OTOF: variants seen among roughly 807,000 people sequenced by gnomAD.
OTOF encodes the protein fer-1-like family member 2.
In OTOF, 218 loss-of-function variants were observed where a neutral mutation model predicts 236.8. The observed-to-expected ratio is 0.92, with a 90% CI of 0.82 to 1.03. The LOEUF is 1.03. OTOF is among the 50% of genes least tolerant of loss of function. The pLI is 0.00. For synonymous variants in OTOF, 1,041 were observed against 1,072.5 expected (o/e 0.97, Z 0.57); for missense variants, 2,590 against 2,694.4 (o/e 0.96, Z 0.86).
intron 11 of OTOF, among the ~76,000 whole-genome samples, chr2:26,485,345 G>A (rs1462764469): frequency 6.6e-6 from 1 of 152,124 alleles, no homozygotes; most frequent in East Asian, 1.9e-4. Context: ...CGGAAGAGTT[G>A]ATCCTGGGCT....
At chr2:26,472,154 T>A (rs771125782) in intron 30 of OTOF, among the ~76,000 whole-genome samples, 1 of 148,606 alleles carries the variant, frequency 6.7e-6, no homozygotes, top group South Asian at 2.1e-4. Context: ...ATACCCCACA[T>A]ACATGCACAC....
rs1374838074 is a variant in OTOF at position 26,516,471 on chromosome 2, C to T, written c.456G>A (p.Leu152=). Residue 152 remains leucine, a synonymous_variant, in exon 5 of 47, where the codon CTG becomes CTA. Coordinates refer to ENST00000272371, the MANE Select transcript of OTOF (RefSeq NM_194248.3). The part of the protein sequence containing the change: ...EEKDSQETDG[L]LPGSRPSSRP... ...GGGAGCTGGGCCGGGAGCCTGGGAG[C>T]AGTCCATCCGTCTCTTGGCTGTCCT... is the stretch of plus-strand genomic sequence containing the variant. 2 of 1,613,902 alleles carry T rather than the reference C, an allele frequency of 1.2e-6. No individual in the cohort carries two copies. Among genetic ancestry groups the T allele is most frequent in the South Asian group, 2.2e-5 (2 of 91,084 alleles).
intron 8 of OTOF, among the ~76,000 whole-genome samples, chr2:26,495,502 G>A (rs567403491): frequency 6.6e-6 from 1 of 152,080 alleles, no homozygotes; most frequent in South Asian, 2.1e-4. Flanking sequence ...TCGGCTCACT[G>A]CAACCCTCTG....
rs2272072 is a variant in OTOF, at chr2:26,471,099, C to T, written c.3894+22G>A. ...TAAAGGACCCTCTCACCCCAGAGCC[C>T]CTGCATGGCCCCCACACTCACCACA... On this transcript the variant is annotated intron_variant, in intron 31 of 46. Transcript: ENST00000272371. The T allele has an allele frequency of 0.1, 164,630 of 1,613,506 alleles. 17,565 individuals carry two copies. Among genetic ancestry groups the T allele is most frequent in the East Asian group, 0.62 (27,976 of 44,830 alleles).
rs140874810 is a variant in OTOF, at chr2:26,476,207, C to G, written c.2787G>C (p.Leu929=). ...SKQRKEFLCG[L]PCGFQEVKAA... is the part of the protein sequence containing the mutation. The stretch of plus-strand genomic sequence containing the variant: ...CCTTGACCTCCTGGAAGCCACAGGG[C>G]AGGCCGCACAGGAACTCCTTGCGCT... Residue 929 remains leucine (L), a synonymous_variant, in exon 23 of 47, where the codon CTG becomes CTC. Transcript: ENST00000272371. 2 of 1,610,036 alleles carry G rather than the reference C, an allele frequency of 1.2e-6. No homozygotes were observed. Among genetic ancestry groups the G allele is most frequent in the South Asian group, 1.1e-5 (1 of 91,078 alleles).
intron 26 of OTOF, 44 bp from the exon 27 acceptor site, chr2:26,474,154 A>C: frequency 1.9e-6 from 3 of 1,611,456 alleles, no homozygotes; most frequent in Non-Finnish European, 2.5e-6. Flanking sequence ...GAGCCCAGGG[A>C]CAGGGTCTCT....
chr2:26,540,512 C>T (rs888298363), intron 1 of OTOF, among the ~76,000 whole-genome samples: 1 of 152,222 alleles, frequency 6.6e-6, no homozygotes, highest in Non-Finnish European at 1.5e-5. Context: ...AAAGCAGGCT[C>T]GTTCCCTCCG....
chr2:26,516,052 G>C (rs972531825), intron 5 of OTOF, among the ~76,000 whole-genome samples: 5 of 152,180 alleles, frequency 3.3e-5, no homozygotes, highest in African/African-American at 7.2e-5. Flanking sequence ...GGCACCTGGT[G>C]GACACTGCTG....
Position 26,558,558 on chromosome 2 carries a change from A to G in OTOF, c.14T>C (p.Ile5Thr). ...CAGCTCCGAGACTGTCTTGAGGTGGATGAGCAAGGCCATGCTGGTGTGGGC... is the reference window on the plus strand; with the variant it reads ...CAGCTCCGAGACTGTCTTGAGGTGGGTGAGCAAGGCCATGCTGGTGTGGGC... The part of the protein sequence containing the change: MALL[I>T]HLKTVSELRG... The change falls in exon 1 of 47, where the codon ATC becomes ACC. Residue 5 changes from isoleucine to threonine, a missense_variant. This residue lies in a region of OTOF where 1,379 missense variants were observed against 1,341.6 expected (regional missense o/e 1.03). Coordinates refer to ENST00000272371, the MANE Select transcript of OTOF (RefSeq NM_194248.3). 1 of 1,613,786 alleles carries G rather than the reference A, an allele frequency of 6.2e-7. No homozygotes were observed. Among genetic ancestry groups the G allele is most frequent in the Non-Finnish European group, 8.5e-7 (1 of 1,179,874 alleles).
At position 26,476,936 on chromosome 2, in the gene OTOF, C is replaced by A; in HGVS notation, c.2631G>T (p.Glu877Asp). The A allele has an allele frequency of 6.2e-7, 1 of 1,611,382 alleles. No individual in the cohort carries two copies. ...SKDLLFSIVE[E>D]ETGKDCAKVK... is the part of the protein sequence containing the mutation. Reference sequence around the variant, plus strand: ...CCTTGGCGCAGTCCTTGCCAGTCTCCTCCTCCACGATGGAGAAGAGCAGGT... The same window carrying A: ...CCTTGGCGCAGTCCTTGCCAGTCTCATCCTCCACGATGGAGAAGAGCAGGT... Residue 877 changes from glutamate to aspartate, a missense_variant, in exon 22 of 47, where the codon GAG (glutamate) becomes GAT (aspartate). This residue lies in a region of OTOF where 1,379 missense variants were observed against 1,341.6 expected (regional missense o/e 1.03). Coordinates refer to ENST00000272371, the MANE Select transcript of OTOF (RefSeq NM_194248.3).
intron 9 of OTOF, among the ~76,000 whole-genome samples, chr2:26,493,921 T>C (rs112789322): frequency 0.013 from 1,972 of 152,330 alleles, 33 homozygotes; most frequent in African/African-American, 0.041. Flanking sequence ...CACTCCATCT[T>C]GCAAGACCGT....
chr2:26,510,502 C>T (rs541751057), intron 5 of OTOF, among the ~76,000 whole-genome samples: 3 of 152,082 alleles, frequency 2.0e-5, no homozygotes, highest in East Asian at 3.9e-4. Context: ...ACCTCCCCCG[C>T]GACCCTAACC....
Position 26,476,213 on chromosome 2 carries a change from G to T in OTOF, c.2781C>A (p.Cys927Ter). The change falls in exon 23 of 47, where the codon TGC (cysteine) becomes TGA (stop). Residue 927 changes from cysteine to a stop codon, truncating the protein, a stop_gained. Coordinates refer to ENST00000272371, the MANE Select transcript of OTOF (RefSeq NM_194248.3). LOFTEE classifies it high-confidence loss of function. ...GLSKQRKEFLCGLPCGFQEVK... is the reference protein window; with the variant it reads ...GLSKQRKEFL ...CCTCCTGGAAGCCACAGGGCAGGCC[G>T]CACAGGAACTCCTTGCGCTGTTTGC... 1 of 1,609,758 alleles carries T rather than the reference G, an allele frequency of 6.2e-7. No individual in the cohort carries two copies.
intron 9 of OTOF, among the ~76,000 whole-genome samples, chr2:26,489,969 G>C (rs1362645947): frequency 2.6e-5 from 4 of 152,218 alleles, no homozygotes; most frequent in African/African-American, 9.7e-5. Flanking sequence ...TGGCTAGTGT[G>C]GGGTGGGAAA....
intron 9 of OTOF, among the ~76,000 whole-genome samples, chr2:26,490,877 A>C (rs1665824490): frequency 6.6e-6 from 1 of 152,208 alleles, no homozygotes; most frequent in African/African-American, 2.4e-5. Context: ...CACGGTAAGC[A>C]CATAGCAAGC....
chr2:26,493,864 G>C (rs1296676226), intron 9 of OTOF, among the ~76,000 whole-genome samples: 1 of 152,200 alleles, frequency 6.6e-6, no homozygotes, highest in African/African-American at 2.4e-5. Flanking sequence ...TGCACACTAG[G>C]AGATAAATTC....
intron 8 of OTOF, among the ~76,000 whole-genome samples, chr2:26,497,785 T>A (rs1283401960): frequency 3.3e-5 from 5 of 152,198 alleles, no homozygotes; most frequent in African/African-American, 1.2e-4. Context: ...AAGTTCAATA[T>A]TCACTGCTCC....
intron 1 of OTOF, among the ~76,000 whole-genome samples, chr2:26,551,898 T>G (rs1667470860): frequency 6.6e-6 from 1 of 152,074 alleles, no homozygotes. Flanking sequence ...GTACTGAATA[T>G]TTACAGATGG....
intron 32 of OTOF, among the ~76,000 whole-genome samples, chr2:26,468,800 G>A (rs1330588178): frequency 6.6e-6 from 1 of 152,118 alleles, no homozygotes; most frequent in Admixed American, 6.5e-5. Flanking sequence ...ACTGTCACAA[G>A]GACAGAAAAC....
Sources: gnomAD v4.1 joint callset for allele counts (sites outside exome capture counted in the v4.1 genomes callset) on GRCh38, gnomAD v4.1.1 for gene constraint, gnomAD v4.1.1 regional missense constraint, MANE v1.5 for transcripts, NCBI Gene and HGNC (gene_info 2026-07-23, HGNC 2026-07-21) for gene names.